HIBCH: variants seen among roughly 807,000 people sequenced by gnomAD.
The protein encoded by HIBCH is 3-hydroxyisobutyryl-CoA hydrolase, mitochondrial.
HIBCH carries 50 observed loss-of-function variants against 58.2 expected under a neutral mutation model. That is an observed-to-expected ratio of 0.86 (90% CI 0.68 to 1.09). HIBCH has a LOEUF of 1.09. Ranked by LOEUF, HIBCH falls within the 50% of genes least tolerant of loss-of-function variation. HIBCH has a pLI of 0.00. For missense variants in HIBCH, 450 were observed against 449.7 expected (o/e 1.00, Z -0.01); for synonymous variants, 151 against 146.9 (o/e 1.03, Z -0.20).
downstream of HIBCH, chr2:190,201,550 T>C (rs757074572): frequency 1.2e-5 from 2 of 167,068 alleles, no homozygotes; most frequent in Non-Finnish European, 2.9e-5. Context: ...TATGTATTTG[T>C]CTTGTAAGCA....
At position 190,197,255 on chromosome 2, in the gene HIBCH, G is replaced by A. The variant is rs1273414379; in HGVS notation, c.*18-7258C>T. Reference sequence around the variant, plus strand: ...AAACACTTGCCAAACCTTGTTTAGGGTATACTACTGATTCCTAAGGTGTCG... The same window carrying A: ...AAACACTTGCCAAACCTTGTTTAGGATATACTACTGATTCCTAAGGTGTCG... On this transcript the variant is annotated intron_variant, in intron 1 of 1. Transcript: ENST00000399855. The surrounding 1 kb of genome is among the most constrained non-coding windows in gnomAD (Gnocchi z 4.0). Among the ~76,000 whole-genome samples the A allele has an allele frequency of 6.6e-6, 1 of 152,096 alleles. No homozygotes were observed. The highest frequency in any genetic ancestry group is 1.5e-5 in the Non-Finnish European group (1 of 68,014).
Sources: gnomAD v4.1 joint callset for allele counts (sites outside exome capture counted in the v4.1 genomes callset) on GRCh38, gnomAD v4.1.1 for gene constraint, Gnocchi (gnomAD v3.1) non-coding constraint, MANE v1.5 for transcripts, NCBI Gene and HGNC (gene_info 2026-07-23, HGNC 2026-07-21) for gene names.